The following RAD23A variants were observed in gnomAD, a reference collection of about 807,000 sequenced individuals.
RAD23A encodes the protein RAD23 nucleotide excision repair protein A, also known as lysine-specific demethylase RAD23A.
RAD23A carries 16 observed loss-of-function variants against 44.8 expected under a neutral mutation model. That is an observed-to-expected ratio of 0.36 (90% CI 0.24 to 0.54). The LOEUF (loss-of-function observed/expected upper bound fraction) is 0.54. Ranked by LOEUF, RAD23A falls within the 20% of genes least tolerant of loss-of-function variation. The probability of loss-of-function intolerance (pLI) is 0.89; values close to 1 mark genes in which losing one functional copy is unlikely to be tolerated. For synonymous variants in RAD23A, 217 were observed against 202.9 expected, an observed-to-expected ratio of 1.07 and a Z score of -0.59; for missense variants, 380 against 483.3, an observed-to-expected ratio of 0.79 and a Z score of 2.00.
chr19:12,948,734 G>C lies in RAD23A; in HGVS notation c.521G>C (p.Gly174Ala), dbSNP rs1256385036. The part of the protein sequence containing the change: ...ETMLTEIMSM[G>A]YERERVVAAL... ...ATGCTGACGGAGATCATGTCCATGG[G>C]CTATGAGCGAGAGCGGGTCGTGGCC... is the stretch of plus-strand genomic sequence containing the variant. The change falls in exon 5 of 9, where the codon GGC (glycine) becomes GCC (alanine). Residue 174 changes from glycine to alanine, a missense_variant. Physicochemically the swap from Gly to Ala is moderately conservative, Grantham distance 60. Around this residue, in one of 3 missense-constraint regions of RAD23A, gnomAD observed 279 missense variants for 313.7 expected, o/e 0.89. Transcript: ENST00000586534. This position sits in a 1 kb window ranked among gnomAD's most constrained non-coding sequence, Gnocchi z 5.5. The C allele has an allele frequency of 6.2e-7, 1 of 1,613,588 alleles. No homozygotes were observed. The highest frequency in any genetic ancestry group is 1.7e-5 in the Admixed American group (1 of 59,974).
chr19:12,952,661 A>C (rs1443218208), intron 7 of RAD23A, 28 bp from the exon 8 acceptor site: 4 of 1,586,036 alleles, frequency 2.5e-6, no homozygotes, highest in East Asian at 2.2e-5. Context: ...GCTGTGAATT[A>C]CCTTCCCTTC....
At position 12,949,168 on chromosome 19, in the gene RAD23A, G is replaced by A. The variant is rs1971741771; in HGVS notation, c.679+9G>A. On this transcript the variant is annotated intron_variant, in intron 6 of 8. Transcript: ENST00000586534. ...GCCGGCCACGGAAGCAGGTGGGTGTGCACATGCCGCATCTGCCCTCCAGGT... is the reference window on the plus strand; with the variant it reads ...GCCGGCCACGGAAGCAGGTGGGTGTACACATGCCGCATCTGCCCTCCAGGT... The A allele has an allele frequency of 6.2e-7, 1 of 1,614,066 alleles. No individual in the cohort carries two copies. Among genetic ancestry groups the A allele is most frequent in the South Asian group, 1.1e-5 (1 of 91,078 alleles).
intron 1 of RAD23A, 130 bp downstream of exon 1, chr19:12,946,150 C>T (rs1356113055): frequency 2.3e-6 from 2 of 867,532 alleles, no homozygotes; most frequent in Non-Finnish European, 1.7e-6. Flanking sequence ...GACCCCCGAC[C>T]TGCCCGACTT....
intron 7 of RAD23A, among the ~76,000 whole-genome samples, chr19:12,949,761 G>T (rs1398181991): frequency 6.6e-6 from 1 of 152,168 alleles, no homozygotes; most frequent in Non-Finnish European, 1.5e-5. Flanking sequence ...ATGGTGCTGC[G>T]TAAATGTCTG....
rs1264512947 is a variant in RAD23A at position 12,953,154 on chromosome 19, A to G, written c.*105A>G. 1.0e-5 allele frequency: 8 copies of G among 794,138 alleles called. No homozygotes were observed. The highest frequency in any genetic ancestry group is 1.5e-5 in the Non-Finnish European group (8 of 529,424). 49.2% of individuals were successfully genotyped at this position (794,138 alleles called of 1,614,324 possible). On this transcript the variant is annotated 3_prime_UTR_variant, in exon 9 of 9. Coordinates refer to ENST00000586534, the MANE Select transcript of RAD23A (RefSeq NM_005053.4). ...TTCATGTTTATTTAAGAAATGGAAA[A>G]AAAAATCAAAAATCTTAAAAAAACA...
chr19:12,948,658 G>C lies in RAD23A; in HGVS notation c.473-28G>C. On this transcript the variant is annotated intron_variant, in intron 4 of 8. Transcript: ENST00000586534. This position sits in a 1 kb window ranked among gnomAD's most constrained non-coding sequence, Gnocchi z 5.5. ...GGAGCTGCCCTTTCCTCTTCCTGGT[G>C]ACCTAGGCTTTGCTGCTTCCTCCAC... 1 of 1,603,318 alleles carries C rather than the reference G, an allele frequency of 6.2e-7. No homozygotes were observed. The highest frequency in any genetic ancestry group is 8.5e-7 in the Non-Finnish European group (1 of 1,175,654).
chr19:12,946,215 C>T (rs967970588), intron 1 of RAD23A, among the ~76,000 whole-genome samples, 195 bp downstream of exon 1: 2 of 152,208 alleles, frequency 1.3e-5, no homozygotes, highest in African/African-American at 2.4e-5. Context: ...GGCGGCGCTC[C>T]TGCGCCGGTC....
At chr19:12,946,084 G>GTTGGGGGGGGGGGGGGGGGGGGGGGC in intron 1 of RAD23A, 64 bp downstream of exon 1, 1 of 512,144 alleles carries the variant, frequency 2.0e-6, no homozygotes, top group Non-Finnish European at 3.7e-6. Context: ...TGGGGGCGGG[G>GTTGGGGGGGGGGGGGGGGGGGGGGGC]AGGCTAGAAT....
rs2078139564 is a variant in RAD23A, at chr19:12,949,315, G to T, written c.720G>T (p.Gln240His). The change falls in exon 7 of 9, where the codon CAG (glutamine) becomes CAT (histidine). Residue 240 changes from glutamine to histidine, a missense_variant. Gln to His is a conservative substitution (Grantham distance 24). Around this residue, in one of 3 missense-constraint regions of RAD23A, gnomAD observed 279 missense variants for 313.7 expected, o/e 0.89. Coordinates refer to ENST00000586534, the MANE Select transcript of RAD23A (RefSeq NM_005053.4). ...NPLEFLRDQP[Q>H]FQNMRQVIQQ... ...TGGAGTTCCTGCGGGACCAGCCCCAGTTCCAGAACATGCGGCAGGTGATTC... is the reference window on the plus strand; with the variant it reads ...TGGAGTTCCTGCGGGACCAGCCCCATTTCCAGAACATGCGGCAGGTGATTC... 1 of 1,614,046 alleles carries T rather than the reference G, an allele frequency of 6.2e-7. No individual in the cohort carries two copies. The highest frequency in any genetic ancestry group is 1.3e-5 in the African/African-American group (1 of 74,922).
rs190497908 is a variant in RAD23A at position 12,949,351 on chromosome 19, T to C, written c.756T>C (p.Pro252=). 1.9e-6 allele frequency: 3 copies of C among 1,614,106 alleles called. No homozygotes were observed. The East Asian group carries it at 6.7e-5, about 36-fold the overall frequency. ...TGCGGCAGGTGATTCAGCAGAACCC[T>C]GCGCTGCTGCCCGCCCTGCTCCAGC... ...QNMRQVIQQN[P]ALLPALLQQL... Residue 252 remains proline, a synonymous_variant, in exon 7 of 9, where the codon CCT becomes CCC. Transcript: ENST00000586534.
intron 6 of RAD23A, 33 bp from the exon 7 acceptor site, chr19:12,949,242 G>A (rs544138705): frequency 6.2e-6 from 10 of 1,613,704 alleles, no homozygotes; most frequent in East Asian, 4.5e-5. Flanking sequence ...GGAGCCCGGC[G>A]TGGTGTCTGA....
In RAD23A at chr19:12,948,254, G is replaced by C. The variant is rs369559169; in HGVS notation, c.312G>C (p.Pro104=). The change falls in exon 3 of 9, where the codon CCG becomes CCC. Residue 104 remains proline, a synonymous_variant. Coordinates refer to ENST00000586534, the MANE Select transcript of RAD23A (RefSeq NM_005053.4). The surrounding 1 kb of genome is among the most constrained non-coding windows in gnomAD (Gnocchi z 5.5). ...CCCCAGAGTCCTCTACATCCTTCCC[G>C]CCTGCCCCCACCTCAGGCATGTCCC... The part of the protein sequence containing the change: ...TAAPESSTSF[P]PAPTSGMSHP... 1.2e-6 allele frequency: 2 copies of C among 1,613,636 alleles called. No homozygotes were observed. The highest frequency in any genetic ancestry group is 1.7e-6 in the Non-Finnish European group (2 of 1,179,834).
chr19:12,949,599 G>T, intron 7 of RAD23A, 191 bp downstream of exon 7: 1 of 686,136 alleles, frequency 1.5e-6, no homozygotes, highest in East Asian at 2.7e-5. Flanking sequence ...CACCTTGTAA[G>T]GTGTGGGTGC....
chr19:12,952,546 G>A, intron 7 of RAD23A, 143 bp from the exon 8 acceptor site: 1 of 946,684 alleles, frequency 1.1e-6, no homozygotes, highest in Non-Finnish European at 1.6e-6. Context: ...TAGGGCTTGT[G>A]TCGACTGCTA....
At chr19:12,949,622 C>T (rs1037450901) in intron 7 of RAD23A, 5 of 595,050 alleles carry the variant, frequency 8.4e-6, no homozygotes, top group Middle Eastern at 4.4e-4. Flanking sequence ...TCAACATCAC[C>T]TCCCACAGAA....
chr19:12,949,240 G>T (rs373777026), intron 6 of RAD23A, 35 bp from the exon 7 acceptor site: 42 of 1,613,730 alleles, frequency 2.6e-5, no homozygotes, highest in Admixed American at 2.0e-4. Context: ...TAGGAGCCCG[G>T]CGTGGTGTCT....
At chr19:12,947,780 C>T in intron 1 of RAD23A, 68 bp from the exon 2 acceptor site, 1 of 1,530,404 alleles carries the variant, frequency 6.5e-7, no homozygotes, top group East Asian at 2.3e-5. Context: ...GGCAGTTTCT[C>T]TGTCCTAAAC....
intron 7 of RAD23A, among the ~76,000 whole-genome samples, chr19:12,950,522 C>T (rs1378461903): frequency 3.3e-5 from 5 of 152,100 alleles, no homozygotes; most frequent in East Asian, 1.9e-4. Context: ...CTTTTGCCCC[C>T]GCCCGAGTAG....
chr19:12,946,333 C>T (rs888707177), intron 1 of RAD23A, among the ~76,000 whole-genome samples: 2 of 152,252 alleles, frequency 1.3e-5, no homozygotes, highest in Non-Finnish European at 2.9e-5. Flanking sequence ...AGGCCAAGCT[C>T]TCCAAGACTG....
Sources: gnomAD v4.1 joint callset for allele counts (sites outside exome capture counted in the v4.1 genomes callset) on GRCh38, gnomAD v4.1.1 for gene constraint, gnomAD v4.1.1 regional missense constraint, Gnocchi (gnomAD v3.1) non-coding constraint, MANE v1.5 for transcripts, NCBI Gene and HGNC (gene_info 2026-07-23, HGNC 2026-07-21) for gene names.